The following STOX2 variants were observed in gnomAD, a reference collection of about 807,000 sequenced individuals.
The protein encoded by STOX2 is storkhead box 2, also known as storkhead-box protein 2.
STOX2 carries 28 observed loss-of-function variants against 60.9 expected under a neutral mutation model. The ratio of observed to expected loss-of-function variants is 0.46; its 90% CI spans 0.34 to 0.63. The LOEUF (loss-of-function observed/expected upper bound fraction) is 0.63, where lower values mean the gene tolerates loss of function less well. Among genes scored for constraint, STOX2 ranks in the 30% least tolerant of loss-of-function variants. STOX2 has a pLI of 0.01. For missense variants in STOX2, 1,024 were observed against 1,187.7 expected, an observed-to-expected ratio of 0.86 and a Z score of 2.03; for synonymous variants, 472 against 463.9, an observed-to-expected ratio of 1.02 and a Z score of -0.22.
chr4:183,837,009 C>G (rs1435699938), intron 1 of STOX2, among the ~76,000 whole-genome samples: 1 of 152,126 alleles, frequency 6.6e-6, no homozygotes, highest in Non-Finnish European at 1.5e-5. Context: ...ATCCCTGCTT[C>G]TTAGGACTCA....
intron 1 of STOX2, among the ~76,000 whole-genome samples, chr4:183,882,647 T>G (rs1740983989): frequency 6.6e-6 from 1 of 152,252 alleles, no homozygotes; most frequent in African/African-American, 2.4e-5. Context: ...TGTTAGGATT[T>G]ACTATGCCTG....
intron 1 of STOX2, among the ~76,000 whole-genome samples, chr4:183,951,006 G>A (rs988929188): frequency 2.6e-5 from 4 of 152,142 alleles, no homozygotes; most frequent in South Asian, 2.1e-4. Context: ...ACGAGGTCAG[G>A]AGATCGAGAC....
At chr4:183,972,845 A>G (rs1044320952) in intron 1 of STOX2, among the ~76,000 whole-genome samples, 1 of 133,444 alleles carries the variant, frequency 7.5e-6, no homozygotes, top group Non-Finnish European at 1.6e-5. Flanking sequence ...GGAATTATCA[A>G]AGATTTAAAT....
intron 1 of STOX2, among the ~76,000 whole-genome samples, chr4:183,885,485 T>C (rs1413868857): frequency 6.6e-6 from 1 of 152,196 alleles, no homozygotes; most frequent in Admixed American, 6.5e-5. Context: ...ATGATGATTC[T>C]GGTTCTGTGC....
chr4:184,007,028 A>AAAAC (rs1733890421), intron 2 of STOX2, among the ~76,000 whole-genome samples: 2 of 129,794 alleles, frequency 1.5e-5, no homozygotes, highest in African/African-American at 7.2e-5. Flanking sequence ...AAAAAAAAAA[A>AAAAC]AAAACAAAAC....
At chr4:183,844,725 G>A (rs577698635) in intron 1 of STOX2, among the ~76,000 whole-genome samples, 9 of 152,330 alleles carry the variant, frequency 5.9e-5, no homozygotes, top group South Asian at 4.2e-4. Context: ...ATGAAAATGC[G>A]TGTAGATTGG....
intron 1 of STOX2, among the ~76,000 whole-genome samples, chr4:183,926,266 A>G (rs1742238447): frequency 6.6e-6 from 1 of 152,198 alleles, no homozygotes; most frequent in Non-Finnish European, 1.5e-5. Context: ...AATAAACATA[A>G]AAAATATAAA....
At chr4:183,972,359 G>A (rs1230342600) in intron 1 of STOX2, among the ~76,000 whole-genome samples, 1 of 152,144 alleles carries the variant, frequency 6.6e-6, no homozygotes, top group African/African-American at 2.4e-5. Flanking sequence ...CATGAAAAAG[G>A]GCCCTAGGGT....
At chr4:183,968,426 C>A (rs1299090899) in intron 1 of STOX2, among the ~76,000 whole-genome samples, 1 of 151,610 alleles carries the variant, frequency 6.6e-6, no homozygotes, top group Non-Finnish European at 1.5e-5. Context: ...GTAAAGTTAT[C>A]TTTATGAGAA....
chr4:183,824,654 A>G (rs1739380600), intron 1 of STOX2, among the ~76,000 whole-genome samples: 1 of 152,248 alleles, frequency 6.6e-6, no homozygotes, highest in African/African-American at 2.4e-5. Context: ...CATGGGATAA[A>G]GTTTTGAGGG....
chr4:183,993,964 A>C (rs1733224070), intron 1 of STOX2, among the ~76,000 whole-genome samples: 1 of 152,230 alleles, frequency 6.6e-6, no homozygotes, highest in Non-Finnish European at 1.5e-5. Flanking sequence ...CTTTTTAAAA[A>C]ATACTGTAGT....
At chr4:183,956,879 A>C (rs1482420394) in intron 1 of STOX2, among the ~76,000 whole-genome samples, 1 of 151,686 alleles carries the variant, frequency 6.6e-6, no homozygotes, top group East Asian at 1.9e-4. Flanking sequence ...GTTTTGCAGA[A>C]TATTCCTCAG....
chr4:183,803,790 C>T (rs1305748066), intron 1 of STOX2, among the ~76,000 whole-genome samples: 2 of 152,136 alleles, frequency 1.3e-5, no homozygotes, highest in Admixed American at 6.5e-5. Context: ...TGGTGAAACC[C>T]TGTCTCTACT....
chr4:183,802,217 CT>C (rs1345165358), intron 1 of STOX2, among the ~76,000 whole-genome samples: 1 of 152,216 alleles, frequency 6.6e-6, no homozygotes, highest in African/African-American at 2.4e-5. Context: ...ACCAAATACA[CT>C]TTTTTAGACT....
chr4:183,958,697 G>A (rs888390612), intron 1 of STOX2, among the ~76,000 whole-genome samples: 1 of 152,174 alleles, frequency 6.6e-6, no homozygotes, highest in Non-Finnish European at 1.5e-5. Flanking sequence ...CTTGAAGTAA[G>A]AAGACAGAGA....
intron 1 of STOX2, among the ~76,000 whole-genome samples, chr4:183,832,948 T>A (rs960883910): frequency 2.0e-5 from 3 of 152,246 alleles, no homozygotes; most frequent in African/African-American, 7.2e-5. Context: ...CACTACAGAT[T>A]CCGTCAAAAC....
chr4:183,914,662 T>C (rs906387181), intron 1 of STOX2, among the ~76,000 whole-genome samples: 1 of 152,090 alleles, frequency 6.6e-6, no homozygotes, highest in Non-Finnish European at 1.5e-5. Flanking sequence ...CGAGAATAGC[T>C]TGGCTTTCTG....
chr4:183,927,677 G>T (rs189788743), intron 1 of STOX2, among the ~76,000 whole-genome samples: 7 of 152,244 alleles, frequency 4.6e-5, no homozygotes, highest in Admixed American at 3.9e-4. Context: ...AGGACTTAAT[G>T]GTCAGGAGGT....
chr4:184,007,131 C>A (rs533870376), intron 2 of STOX2, among the ~76,000 whole-genome samples: 33 of 150,478 alleles, frequency 2.2e-4, no homozygotes, highest in African/African-American at 7.1e-4. Context: ...TAAAAGGAAA[C>A]CATGCGACTC....
Sources: gnomAD v4.1 joint callset for allele counts (sites outside exome capture counted in the v4.1 genomes callset) on GRCh38, gnomAD v4.1.1 for gene constraint, MANE v1.5 for transcripts, NCBI Gene and HGNC (gene_info 2026-07-23, HGNC 2026-07-21) for gene names.